The following PRR5L variants were observed in gnomAD, a reference collection of about 807,000 sequenced individuals.
The protein encoded by PRR5L is proline rich 5 like.
Under a neutral mutation model 36.4 loss-of-function variants are expected in PRR5L, and 21 were observed. That is an observed-to-expected ratio of 0.58 (90% CI 0.41 to 0.83). The LOEUF (loss-of-function observed/expected upper bound fraction) is 0.83, where lower values mean the gene tolerates loss of function less well. Among genes scored for constraint, PRR5L ranks in the 40% least tolerant of loss-of-function variants. PRR5L has a pLI of 0.00. For missense variants in PRR5L, 381 were observed against 473.3 expected (o/e 0.80, Z 1.81); for synonymous variants, 188 against 197.0 (o/e 0.95, Z 0.38).
intron 2 of PRR5L, among the ~76,000 whole-genome samples, chr11:36,401,941 T>A (rs1318473703): frequency 6.6e-6 from 1 of 152,218 alleles, no homozygotes; most frequent in Non-Finnish European, 1.5e-5. Context: ...TAAGAAACCT[T>A]AAGTAACCTA....
intron 1 of PRR5L, chr11:36,376,568 A>G (rs1857265665): frequency 3.0e-6 from 3 of 995,614 alleles, no homozygotes; most frequent in Middle Eastern, 5.1e-4. Flanking sequence ...AGAACCATCC[A>G]GGTCGCTCAT....
At chr11:36,451,169 G>T in intron 7 of PRR5L, 40 bp from the exon 8 acceptor site, 3 of 1,609,770 alleles carry the variant, frequency 1.9e-6, no homozygotes, top group Middle Eastern at 1.7e-4. Flanking sequence ...TCATGGCAAT[G>T]AACACTGACC....
At chr11:36,308,231 A>C (rs1334930881) in intron 1 of PRR5L, among the ~76,000 whole-genome samples, 1 of 152,266 alleles carries the variant, frequency 6.6e-6, no homozygotes, top group Non-Finnish European at 1.5e-5. Context: ...TAGCCTGTTT[A>C]TAGCTGCTGT....
At chr11:36,367,124 TG>T (rs1454511367) in intron 1 of PRR5L, among the ~76,000 whole-genome samples, 2 of 152,218 alleles carry the variant, frequency 1.3e-5, no homozygotes, top group Non-Finnish European at 2.9e-5. Flanking sequence ...AGATTACGAC[TG>T]TATTTCCATA....
intron 3 of PRR5L, among the ~76,000 whole-genome samples, chr11:36,413,023 G>A (rs151146919): frequency 2.7e-3 from 416 of 152,218 alleles, no homozygotes; most frequent in South Asian, 6.4e-3. Context: ...ATGGTGTATC[G>A]GAACAGAGGT....
At chr11:36,437,541 G>A (rs138628020) in intron 6 of PRR5L, 65 bp downstream of exon 6, 18,823 of 947,656 alleles carry the variant, frequency 0.02, 253 homozygotes, top group Non-Finnish European at 0.026. Context: ...TGGCCCTTGC[G>A]GCCTGAGGGC....
chr11:36,379,120 C>G (rs896375139), intron 1 of PRR5L, among the ~76,000 whole-genome samples: 1 of 152,232 alleles, frequency 6.6e-6, no homozygotes, highest in African/African-American at 2.4e-5. Context: ...CTGAAAATCT[C>G]TTGCTGATAG....
chr11:36,375,540 G>A, intron 1 of PRR5L, among the ~76,000 whole-genome samples: 1 of 152,152 alleles, frequency 6.6e-6, no homozygotes, highest in Non-Finnish European at 1.5e-5. Context: ...TTCAGCAAAT[G>A]TCACTGTGGT....
intron 4 of PRR5L, among the ~76,000 whole-genome samples, chr11:36,422,996 G>A (rs913275653): frequency 5.9e-5 from 9 of 151,618 alleles, no homozygotes; most frequent in African/African-American, 2.2e-4. Flanking sequence ...TCAGAGCATG[G>A]GTGTGTTTGC....
rs1491382039 is a variant in PRR5L at position 36,351,579 on chromosome 11, A to ATT, written c.-125-49417_-125-49416insTT. ...TTTATATATTTATATATTTATATAA[A>ATT]TATATATTTATATATTTATATAAAT... On this transcript the variant is annotated intron_variant, in intron 1 of 8. Transcript: ENST00000530639. Among the ~76,000 whole-genome samples, 29 of 11,640 alleles carry ATT rather than the reference A, an allele frequency of 2.5e-3. 6 individuals carry two copies. Among genetic ancestry groups the ATT allele is most frequent in the Non-Finnish European group, 3.4e-3 (27 of 7,850 alleles). 7.6% of individuals were successfully genotyped at this position (11,640 alleles called of 152,430 possible).
At chr11:36,342,465 T>C (rs1466039) in intron 1 of PRR5L, among the ~76,000 whole-genome samples, 152,076 of 152,292 alleles carry the variant, frequency 1, 75,933 homozygotes, top group Middle Eastern at 1. Context: ...GGCAGCTCTA[T>C]GTGTGCCAGG....
At chr11:36,365,310 A>G (rs528911328) in intron 1 of PRR5L, among the ~76,000 whole-genome samples, 1 of 152,106 alleles carries the variant, frequency 6.6e-6, no homozygotes, top group Non-Finnish European at 1.5e-5. Flanking sequence ...CCAAGAAATT[A>G]AAAAGCCGAA....
chr11:36,461,983 CTCAGGT>C (rs1859195050), intron 8 of PRR5L, among the ~76,000 whole-genome samples: 1 of 152,140 alleles, frequency 6.6e-6, no homozygotes, highest in African/African-American at 2.4e-5. Context: ...TTTTGGAATG[CTCAGGT>C]CCTCAGAGGA....
intron 1 of PRR5L, among the ~76,000 whole-genome samples, chr11:36,399,372 A>G (rs920422724): frequency 1.1e-4 from 16 of 152,238 alleles, no homozygotes; most frequent in African/African-American, 3.9e-4. Context: ...CCTTGTTGCT[A>G]TGCCTGTTGC....
intron 1 of PRR5L, chr11:36,398,578 GA>G: frequency 6.6e-6 from 1 of 152,392 alleles, no homozygotes; most frequent in Non-Finnish European, 1.5e-5. Context: ...TTCGGGAGGA[GA>G]AAAATGAGTC....
At chr11:36,357,607 G>T (rs950342620) in intron 1 of PRR5L, among the ~76,000 whole-genome samples, 1 of 152,006 alleles carries the variant, frequency 6.6e-6, no homozygotes, top group African/African-American at 2.4e-5. Context: ...AATATACTCT[G>T]CCTGTGCTCT....
In PRR5L at chr11:36,462,543, C is replaced by T; in HGVS notation, c.914C>T (p.Ala305Val). The change falls in exon 9 of 9, where the codon GCC (alanine) becomes GTC (valine). Residue 305 changes from alanine (A) to valine (V), a missense_variant. Physicochemically the swap from Ala to Val is moderately conservative, Grantham distance 64. Transcript: ENST00000530639. ...TCGGACATCCAGCTGCTGGCCATGGCCACCATGATGCACTCGGGCCTGGGG... is the reference window on the plus strand; with the variant it reads ...TCGGACATCCAGCTGCTGGCCATGGTCACCATGATGCACTCGGGCCTGGGG... ...AHSDIQLLAM[A>V]TMMHSGLGEE... The T allele has an allele frequency of 6.2e-7, 1 of 1,609,804 alleles. No individual in the cohort carries two copies. The highest frequency in any genetic ancestry group is 8.5e-7 in the Non-Finnish European group (1 of 1,177,774).
intron 7 of PRR5L, among the ~76,000 whole-genome samples, chr11:36,446,901 G>A (rs1370172120): frequency 6.6e-6 from 1 of 152,134 alleles, no homozygotes; most frequent in African/African-American, 2.4e-5. Flanking sequence ...CTACTTTCTA[G>A]TCTCTACTTG....
intron 4 of PRR5L, among the ~76,000 whole-genome samples, chr11:36,425,104 G>A (rs922646457): frequency 1.3e-5 from 2 of 152,188 alleles, no homozygotes; most frequent in African/African-American, 4.8e-5. Context: ...TTACAGGTGT[G>A]AGCCACCGCC....
Sources: gnomAD v4.1 joint callset for allele counts (sites outside exome capture counted in the v4.1 genomes callset) on GRCh38, gnomAD v4.1.1 for gene constraint, MANE v1.5 for transcripts, NCBI Gene and HGNC (gene_info 2026-07-23, HGNC 2026-07-21) for gene names.